RBM47: variants seen among roughly 807,000 people sequenced by gnomAD.
RBM47 encodes the protein RNA-binding protein 47.
A neutral mutation model predicts 47.1 loss-of-function variants in RBM47; 21 were observed. That is an observed-to-expected ratio of 0.45 (90% confidence interval 0.32 to 0.64). The LOEUF (loss-of-function observed/expected upper bound fraction) is 0.64, where lower values mean the gene tolerates loss of function less well. RBM47 is among the 30% of genes least tolerant of loss of function. RBM47 has a pLI of 0.05. For missense variants in RBM47, 708 were observed against 870.9 expected, an observed-to-expected ratio of 0.81 and a Z score of 2.35; for synonymous variants, 375 against 361.7, an observed-to-expected ratio of 1.04 and a Z score of -0.42.
chr4:40,506,206 T>A (rs1724083092), intron 2 of RBM47, among the ~76,000 whole-genome samples: 2 of 152,230 alleles, frequency 1.3e-5, no homozygotes, highest in Admixed American at 6.5e-5. Flanking sequence ...AAGTCCAGGT[T>A]TGCATTTGTG....
At chr4:40,630,398 G>A (rs1375199208), upstream of RBM47, 4 of 152,094 alleles carry the variant, frequency 2.6e-5, no homozygotes, top group Admixed American at 6.5e-5. Flanking sequence ...TGGACGAGGT[G>A]GGATCTCTGC....
chr4:40,518,512 T>C (rs1034793843), intron 2 of RBM47, among the ~76,000 whole-genome samples: 3 of 152,058 alleles, frequency 2.0e-5, no homozygotes, highest in African/African-American at 7.2e-5. Context: ...AATAATCAAG[T>C]ATTTGATATA....
rs1192114584 is a variant in RBM47 at position 40,510,187 on chromosome 4, CAA to C, written c.-155+34233_-155+34234del. ...GGGCAACAAGAGTGAAACTCCATCTCAAAAAAAAAAAAAAAAAAAAGTAAAGA... is the reference window on the plus strand; with the variant it reads ...GGGCAACAAGAGTGAAACTCCATCTCAAAAAAAAAAAAAAAAAAGTAAAGA... On this transcript the variant is annotated intron_variant, in intron 2 of 6. Coordinates refer to ENST00000295971, the MANE Select transcript of RBM47 (RefSeq NM_001098634.2). Among the ~76,000 whole-genome samples the C allele has an allele frequency of 5.6e-4, 58 of 104,240 alleles. 1 individual carries two copies. Among genetic ancestry groups the C allele is most frequent in the East Asian group, 1.3e-3 (5 of 3,786 alleles). The allele number at this position is 104,240 out of a possible 152,430, so 68.4% of individuals were successfully genotyped here.
intron 2 of RBM47, among the ~76,000 whole-genome samples, chr4:40,478,850 CTT>C (rs1720006610): frequency 6.6e-6 from 1 of 152,156 alleles, no homozygotes; most frequent in Non-Finnish European, 1.5e-5. Flanking sequence ...TGTGTATTTG[CTT>C]TTGTATATAG....
chr4:40,541,782 C>T (rs1204462755), intron 2 of RBM47, among the ~76,000 whole-genome samples: 1 of 152,018 alleles, frequency 6.6e-6, no homozygotes, highest in Non-Finnish European at 1.5e-5. Context: ...ACACAGAGCA[C>T]TAAGGTTTGA....
Position 40,425,831 on chromosome 4 carries a change from T to C in RBM47, c.*73A>G. The C allele has an allele frequency of 6.5e-7, 1 of 1,549,842 alleles. No individual in the cohort carries two copies. Among genetic ancestry groups the C allele is most frequent in the Non-Finnish European group, 8.8e-7 (1 of 1,139,304 alleles). ...AGGTTGCATGTGTGAATCCAACATG[T>C]TCCTTCTTCATAAATAGTCAAGCGT... On this transcript the variant is annotated 3_prime_UTR_variant, in exon 7 of 7. Coordinates refer to ENST00000295971, the MANE Select transcript of RBM47 (RefSeq NM_001098634.2).
intron 2 of RBM47, among the ~76,000 whole-genome samples, chr4:40,503,329 G>A (rs1402659554): frequency 6.6e-6 from 1 of 152,224 alleles, no homozygotes; most frequent in East Asian, 1.9e-4. Flanking sequence ...AAGAGTAGGT[G>A]TACTTCACAT....
chr4:40,504,874 C>G (rs569051694), intron 2 of RBM47, among the ~76,000 whole-genome samples: 1 of 152,290 alleles, frequency 6.6e-6, no homozygotes, highest in South Asian at 2.1e-4. Context: ...GAGTTATCTG[C>G]CAATGGCAGA....
chr4:40,515,929 C>T (rs1247654001), intron 2 of RBM47: 1 of 152,228 alleles, frequency 6.6e-6, no homozygotes, highest in South Asian at 2.1e-4. Context: ...TCCGGTTAGT[C>T]CTGGGACTAA....
chr4:40,469,419 C>T (rs1273119102), intron 2 of RBM47, among the ~76,000 whole-genome samples: 1 of 146,948 alleles, frequency 6.8e-6, no homozygotes, highest in Non-Finnish European at 1.5e-5. Context: ...ACTCCAAACA[C>T]AATCCATTCC....
intron 1 of RBM47, among the ~76,000 whole-genome samples, chr4:40,601,383 G>C (rs1735273042): frequency 6.6e-6 from 1 of 152,146 alleles, no homozygotes; most frequent in Non-Finnish European, 1.5e-5. Context: ...ACATTGGATG[G>C]TGTGTCAAAC....
chr4:40,529,465 A>C (rs1437255508), intron 2 of RBM47, among the ~76,000 whole-genome samples: 1 of 141,768 alleles, frequency 7.1e-6, no homozygotes, highest in Non-Finnish European at 1.5e-5. Flanking sequence ...GCAGTGAGCC[A>C]AGATCGTGCC....
intron 2 of RBM47, among the ~76,000 whole-genome samples, chr4:40,480,876 T>A (rs1018996030): frequency 1.3e-5 from 2 of 152,176 alleles, no homozygotes; most frequent in Non-Finnish European, 2.9e-5. Context: ...ACATATTGAA[T>A]GCTGGTGGAG....
At chr4:40,566,132 G>A (rs1052564980) in intron 1 of RBM47, among the ~76,000 whole-genome samples, 2 of 151,886 alleles carry the variant, frequency 1.3e-5, no homozygotes, top group Non-Finnish European at 2.9e-5. Context: ...ATGAGGGAGA[G>A]CCAAGAGAAA....
At chr4:40,626,230 T>G (rs1159716461) in intron 1 of RBM47, among the ~76,000 whole-genome samples, 2 of 152,178 alleles carry the variant, frequency 1.3e-5, no homozygotes, top group African/African-American at 4.8e-5. Context: ...GAGCTGTAAT[T>G]GTTTTGTTTT....
At chr4:40,590,968 A>G (rs1578026196) in intron 1 of RBM47, among the ~76,000 whole-genome samples, 1 of 152,210 alleles carries the variant, frequency 6.6e-6, no homozygotes, top group East Asian at 1.9e-4. Context: ...ATGCCTGGCT[A>G]ATTTTTGTAT....
chr4:40,459,742 T>G (rs1716826102), intron 3 of RBM47, among the ~76,000 whole-genome samples: 1 of 152,102 alleles, frequency 6.6e-6, no homozygotes, highest in Admixed American at 6.6e-5. Flanking sequence ...TTTCTTTCTT[T>G]CTTCTTTCTT....
intron 2 of RBM47, among the ~76,000 whole-genome samples, chr4:40,508,067 AAAAAG>A (rs1183962964): frequency 2.6e-5 from 4 of 152,198 alleles, no homozygotes; most frequent in East Asian, 3.8e-4. Flanking sequence ...ATCCCATCTC[AAAAAG>A]AAAAGAAAAG....
intron 2 of RBM47, among the ~76,000 whole-genome samples, chr4:40,524,887 C>T (rs138099928): frequency 6.2e-4 from 95 of 152,262 alleles, no homozygotes; most frequent in African/African-American, 2.0e-3. Context: ...TCTGTACCAA[C>T]CAAAACAAAT....
Sources: gnomAD v4.1 joint callset for allele counts (sites outside exome capture counted in the v4.1 genomes callset) on GRCh38, gnomAD v4.1.1 for gene constraint, MANE v1.5 for transcripts, NCBI Gene and HGNC (gene_info 2026-07-23, HGNC 2026-07-21) for gene names.